Variants in SETBP1 observed in about 807,000 individuals in gnomAD.
The protein encoded by SETBP1 is SET-binding protein.
In SETBP1, 9 loss-of-function variants were observed where a neutral mutation model predicts 101.0. The observed-to-expected ratio is 0.09, with a 90% CI of 0.05 to 0.16. The LOEUF (loss-of-function observed/expected upper bound fraction) is 0.16, where lower values mean the gene tolerates loss of function less well. Among genes scored for constraint, SETBP1 ranks in the 10% least tolerant of loss-of-function variants. SETBP1 has a pLI of 1.00. For missense variants in SETBP1, 1,858 were observed against 2,033.8 expected (o/e 0.91, Z 1.66); for synonymous variants, 818 against 788.5 (o/e 1.04, Z -0.63).
chr18:44,723,678 C>T lies in SETBP1; in HGVS notation c.486+21846C>T, dbSNP rs142219457. Among the ~76,000 whole-genome samples the T allele has an allele frequency of 9.0e-4, 137 of 152,270 alleles. 1 individual carries two copies. Among genetic ancestry groups the T allele is most frequent in the Admixed American group, 2.4e-3 (36 of 15,290 alleles). On this transcript the variant is annotated intron_variant, in intron 2 of 5. Transcript: ENST00000649279. ...CTCTCTTGAACCTTCCTGAACCTAC[C>T]ACGCCTTTGCCCAGGATAATCAGAT...
At chr18:44,982,310 C>A (rs1317058514) in intron 4 of SETBP1, among the ~76,000 whole-genome samples, 1 of 152,056 alleles carries the variant, frequency 6.6e-6, no homozygotes, top group Non-Finnish European at 1.5e-5. Flanking sequence ...CAGGGGCCGC[C>A]GGCTGGAAGA....
intron 2 of SETBP1, among the ~76,000 whole-genome samples, chr18:44,798,651 C>A (rs894621743): frequency 3.3e-5 from 5 of 152,142 alleles, no homozygotes; most frequent in African/African-American, 1.2e-4. Context: ...ACAATGGTAT[C>A]TCTGGGTTAT....
intron 2 of SETBP1, among the ~76,000 whole-genome samples, chr18:44,830,612 T>C (rs2072341726): frequency 1.3e-5 from 2 of 152,176 alleles, no homozygotes; most frequent in South Asian, 4.1e-4. Flanking sequence ...GTGCAAACTT[T>C]TGGGATTTGA....
rs544898507 is a variant in SETBP1 at position 44,777,999 on chromosome 18, C to T, written c.486+76167C>T. ...TTCTGGAATTTCACTGACAGATTCC[C>T]TGGGGCATGAAAATCAAGCTTCTTG... On this transcript the variant is annotated intron_variant, in intron 2 of 5. Coordinates refer to ENST00000649279, the MANE Select transcript of SETBP1 (RefSeq NM_015559.3). 1.1e-4 allele frequency among the ~76,000 whole-genome samples: 16 copies of T among 152,286 alleles called. No homozygotes were observed. In the South Asian group the frequency reaches 3.1e-3, roughly 30 times the overall value.
chr18:44,967,331 C>A (rs1306105815), intron 4 of SETBP1, among the ~76,000 whole-genome samples: 1 of 152,200 alleles, frequency 6.6e-6, no homozygotes, highest in African/African-American at 2.4e-5. Flanking sequence ...ACTGTCACGG[C>A]AAGAATGTGT....
At chr18:44,819,356 T>A (rs1320092913) in intron 2 of SETBP1, among the ~76,000 whole-genome samples, 1 of 152,188 alleles carries the variant, frequency 6.6e-6, no homozygotes, top group Non-Finnish European at 1.5e-5. Context: ...GTGGGTATAA[T>A]TCTATCCTTT....
At chr18:44,749,520 G>C (rs894963795) in intron 2 of SETBP1, among the ~76,000 whole-genome samples, 1 of 152,162 alleles carries the variant, frequency 6.6e-6, no homozygotes, top group African/African-American at 2.4e-5. Context: ...CTGGATTCCA[G>C]GGAAGCAATT....
At chr18:44,923,477 G>A (rs2070627973) in intron 3 of SETBP1, among the ~76,000 whole-genome samples, 1 of 152,206 alleles carries the variant, frequency 6.6e-6, no homozygotes, top group African/African-American at 2.4e-5. Flanking sequence ...TCTTTGTAGA[G>A]CATTGATTCA....
At chr18:44,738,053 C>T (rs2070010068) in intron 2 of SETBP1, among the ~76,000 whole-genome samples, 1 of 152,190 alleles carries the variant, frequency 6.6e-6, no homozygotes, top group East Asian at 1.9e-4. Flanking sequence ...TGCAGATCCA[C>T]ATGGTCACAT....
chr18:44,745,465 T>G (rs1484642531), intron 2 of SETBP1, among the ~76,000 whole-genome samples: 3 of 152,144 alleles, frequency 2.0e-5, no homozygotes, highest in East Asian at 1.9e-4. Flanking sequence ...AGACCCAGTT[T>G]CTTCACCAGA....
At chr18:44,941,850 C>T (rs979695156) in intron 3 of SETBP1, among the ~76,000 whole-genome samples, 3 of 151,804 alleles carry the variant, frequency 2.0e-5, no homozygotes, top group Non-Finnish European at 4.4e-5. Context: ...CCTGAGACTT[C>T]CCATATGTTC....
intron 2 of SETBP1, among the ~76,000 whole-genome samples, chr18:44,773,564 C>A (rs1467353644): frequency 1.3e-5 from 2 of 152,172 alleles, no homozygotes; most frequent in South Asian, 2.1e-4. Flanking sequence ...TAGAAACAAA[C>A]TGTCTTCTTG....
intron 3 of SETBP1, among the ~76,000 whole-genome samples, chr18:44,905,625 A>G (rs925037030): frequency 9.9e-5 from 15 of 152,212 alleles, no homozygotes; most frequent in African/African-American, 3.4e-4. Flanking sequence ...TGCTGCAGCC[A>G]TGACAGAAAT....
At chr18:44,809,747 G>C (rs1376875357) in intron 2 of SETBP1, among the ~76,000 whole-genome samples, 1 of 152,206 alleles carries the variant, frequency 6.6e-6, no homozygotes. Flanking sequence ...AAACCCAAGT[G>C]TTAGGAAGCC....
Position 45,038,565 on chromosome 18 carries a change from A to G in SETBP1, c.4081A>G (p.Arg1361Gly). 6.2e-7 allele frequency: 1 copy of G among 1,614,188 alleles called. No homozygotes were observed. The highest frequency in any genetic ancestry group is 1.1e-5 in the South Asian group (1 of 91,082). Residue 1361 changes from arginine (R) to glycine (G), a missense_variant, in exon 5 of 6, where the codon AGG (arginine) becomes GGG (glycine). Arg to Gly is a moderately radical substitution (Grantham distance 125). This residue lies in a region of SETBP1 where 417 missense variants were observed against 389.1 expected (regional missense o/e 1.07). Transcript: ENST00000649279. ...NEGSVPTMMT[R>G]KKPAAVDSVT... The stretch of plus-strand genomic sequence containing the variant: ...AGGCTCAGTGCCCACCATGATGACC[A>G]GGAAGAAGCCAGCCGCAGTTGACAG...
At chr18:44,971,117 C>T (rs993996719) in intron 4 of SETBP1, among the ~76,000 whole-genome samples, 2 of 149,672 alleles carry the variant, frequency 1.3e-5, no homozygotes, top group Middle Eastern at 3.4e-3. Context: ...TGAGTGAGAA[C>T]ATGCGGTGTT....
intron 3 of SETBP1, among the ~76,000 whole-genome samples, chr18:44,926,344 C>A (rs1455331922): frequency 3.3e-5 from 5 of 152,138 alleles, no homozygotes; most frequent in Admixed American, 3.3e-4. Context: ...AGAAAAAAGG[C>A]CTAATACATC....
chr18:44,899,022 T>C (rs1170908560), intron 3 of SETBP1, among the ~76,000 whole-genome samples: 1 of 152,222 alleles, frequency 6.6e-6, no homozygotes, highest in South Asian at 2.1e-4. Flanking sequence ...CTGGGTCTCA[T>C]ATCGGGAGAT....
chr18:44,952,732 C>G lies in SETBP1; in HGVS notation c.3392C>G (p.Ser1131Cys). 2 of 1,614,154 alleles carry G rather than the reference C, an allele frequency of 1.2e-6. No homozygotes were observed. Among genetic ancestry groups the G allele is most frequent in the Non-Finnish European group, 1.7e-6 (2 of 1,180,038 alleles). The change falls in exon 4 of 6, where the codon TCT (serine) becomes TGT (cysteine). Residue 1131 changes from serine to cysteine, a missense_variant. Ser to Cys is a moderately radical substitution (Grantham distance 112). This residue lies in a region of SETBP1 where 417 missense variants were observed against 389.1 expected (regional missense o/e 1.07). Coordinates refer to ENST00000649279, the MANE Select transcript of SETBP1 (RefSeq NM_015559.3). ...ATGGGCCTTGGTGACATGCAGCCTT[C>G]TCTGAACCCTCCCAAGGTAGGCAGT... ...VSMGLGDMQP[S>C]LNPPKVGSAS...
Sources: allele counts gnomAD v4.1 joint callset (sites outside exome capture counted in the v4.1 genomes callset), GRCh38; gene constraint gnomAD v4.1.1; regional missense constraint gnomAD v4.1.1; transcripts MANE v1.5; gene names NCBI Gene and HGNC (gene_info 2026-07-23, HGNC 2026-07-21).